SYT16: variants seen among roughly 807,000 people sequenced by gnomAD.
The protein encoded by SYT16 is synaptotagmin-16.
In SYT16, 42 loss-of-function variants were observed where a neutral mutation model predicts 61.4. That is an observed-to-expected ratio of 0.68 (90% CI 0.53 to 0.89). The LOEUF (loss-of-function observed/expected upper bound fraction) is 0.89. Ranked by LOEUF, SYT16 falls within the 40% of genes least tolerant of loss-of-function variation. SYT16 has a pLI of 0.00. For missense variants in SYT16, 804 were observed against 807.3 expected (o/e 1.00, Z 0.05); for synonymous variants, 314 against 302.3 (o/e 1.04, Z -0.40).
intron 1 of SYT16, among the ~76,000 whole-genome samples, chr14:61,834,261 G>A (rs1470890533): frequency 6.6e-6 from 1 of 151,696 alleles, no homozygotes; most frequent in East Asian, 1.9e-4. Context: ...CTCCTGAGTA[G>A]CTGGGATTAC....
chr14:61,848,732 C>A (rs2046520267), intron 1 of SYT16, among the ~76,000 whole-genome samples: 1 of 152,200 alleles, frequency 6.6e-6, no homozygotes, highest in Non-Finnish European at 1.5e-5. Flanking sequence ...AGTCAGAAAT[C>A]TACCTGGTAC....
At chr14:61,996,566 C>T in intron 3 of SYT16, 24 bp downstream of exon 3, 1 of 1,558,132 alleles carries the variant, frequency 6.4e-7, no homozygotes, top group South Asian at 1.2e-5. Context: ...TCATCATTTT[C>T]TCTGCGTTCC....
At chr14:61,917,225 T>A (rs2049154383) in intron 1 of SYT16, among the ~76,000 whole-genome samples, 1 of 152,184 alleles carries the variant, frequency 6.6e-6, no homozygotes, top group Non-Finnish European at 1.5e-5. Flanking sequence ...GAGAGTCCCA[T>A]CCTTGCATGG....
chr14:61,888,807 A>T (rs1034750027), intron 1 of SYT16, among the ~76,000 whole-genome samples: 2 of 151,814 alleles, frequency 1.3e-5, no homozygotes, highest in African/African-American at 4.8e-5. Context: ...GTGAAGTGCA[A>T]TGAATGAAAG....
At chr14:62,084,502 G>A in intron 7 of SYT16, 117 bp downstream of exon 7, 1 of 1,175,422 alleles carries the variant, frequency 8.5e-7, no homozygotes, top group Middle Eastern at 2.9e-4. Flanking sequence ...TATGGCTTAA[G>A]CAAGCTTTCA....
chr14:61,978,412 C>G (rs948517205), intron 2 of SYT16, among the ~76,000 whole-genome samples: 1 of 152,216 alleles, frequency 6.6e-6, no homozygotes, highest in African/African-American at 2.4e-5. Context: ...GCTTGTCAGA[C>G]ACTTATGATA....
intron 1 of SYT16, among the ~76,000 whole-genome samples, chr14:61,908,790 A>G (rs1204880713): frequency 6.6e-6 from 1 of 152,166 alleles, no homozygotes; most frequent in Non-Finnish European, 1.5e-5. Flanking sequence ...TGGCTCAACC[A>G]AAAAGCAGCA....
At chr14:61,812,998 A>T (rs1184904932) in intron 1 of SYT16, among the ~76,000 whole-genome samples, 188 bp downstream of exon 1, 1 of 152,104 alleles carries the variant, frequency 6.6e-6, no homozygotes, top group Non-Finnish European at 1.5e-5. Context: ...GCGCCCCGCG[A>T]GGGATGTGGC....
chr14:61,913,746 G>A lies in SYT16; in HGVS notation c.-324-56386G>A, dbSNP rs189354158. ...TGTGTGTGTGTGTGAAATAAAACTCGAAGTTACAGGGACGAACTTGCATAT... is the reference window on the plus strand; with the variant it reads ...TGTGTGTGTGTGTGAAATAAAACTCAAAGTTACAGGGACGAACTTGCATAT... On this transcript the variant is annotated intron_variant, in intron 1 of 7. Transcript: ENST00000683842. 6.2e-3 allele frequency among the ~76,000 whole-genome samples: 815 copies of A among 131,358 alleles called. 8 individuals carry two copies. Among genetic ancestry groups the A allele is most frequent in the African/African-American group, 0.016 (594 of 37,020 alleles). 86.2% of individuals were successfully genotyped at this position (131,358 alleles called of 152,430 possible). A position where few individuals can be genotyped will look rare whatever the true frequency, so the allele number is the denominator to read the frequency against.
Position 62,081,086 on chromosome 14 carries a change from G to C in SYT16, c.1246G>C (p.Glu416Gln). 20 of 1,613,874 alleles carry C rather than the reference G, an allele frequency of 1.2e-5. No homozygotes were observed. Among genetic ancestry groups the C allele is most frequent in the Non-Finnish European group, 1.6e-5 (19 of 1,179,848 alleles). ...IQRGPNPVFR[E>Q]KVTFAKLEPR... The stretch of plus-strand genomic sequence containing the variant: ...GAGAGGGCCCAACCCCGTCTTCAGG[G>C]AGAAGGTCACCTTTGCCAAGCTGGA... Residue 416 changes from glutamate (E) to glutamine (Q), a missense_variant, in exon 6 of 8, where the codon GAG (glutamate) becomes CAG (glutamine). Coordinates refer to ENST00000683842, the MANE Select transcript of SYT16 (RefSeq NM_001367656.1).
At chr14:61,817,500 C>T (rs2045481177) in intron 1 of SYT16, among the ~76,000 whole-genome samples, 1 of 151,954 alleles carries the variant, frequency 6.6e-6, no homozygotes, top group African/African-American at 2.4e-5. Flanking sequence ...GACACAATGC[C>T]ACTTACTGTG....
At chr14:62,053,904 C>A (rs1369064606) in intron 3 of SYT16, among the ~76,000 whole-genome samples, 3 of 152,070 alleles carry the variant, frequency 2.0e-5, no homozygotes, top group African/African-American at 7.2e-5. Flanking sequence ...TTTTGTGGAA[C>A]CCCATGAAAC....
intron 2 of SYT16, among the ~76,000 whole-genome samples, chr14:61,980,181 A>G (rs761037310): frequency 6.6e-6 from 1 of 152,218 alleles, no homozygotes; most frequent in Non-Finnish European, 1.5e-5. Context: ...CTTGTGAGTA[A>G]TCTAAGTTGC....
intron 1 of SYT16, among the ~76,000 whole-genome samples, chr14:61,913,446 CT>C (rs2049006498): frequency 6.6e-6 from 1 of 152,106 alleles, no homozygotes; most frequent in Non-Finnish European, 1.5e-5. Flanking sequence ...CTTTTTACAT[CT>C]TTAAAGATTG....
intron 1 of SYT16, among the ~76,000 whole-genome samples, chr14:61,941,502 G>T (rs966495837): frequency 6.6e-6 from 1 of 152,146 alleles, no homozygotes. Context: ...AATCCGTAGT[G>T]ACTTTTGTGA....
intron 1 of SYT16, among the ~76,000 whole-genome samples, chr14:61,856,347 AAATGGTGAG>A (rs2046773839): frequency 6.6e-6 from 1 of 152,220 alleles, no homozygotes; most frequent in Admixed American, 6.5e-5. Context: ...GTAGCAGTGG[AAATGGTGAG>A]AATAGTCAGA....
chr14:62,093,445 G>T (rs559077965), intron 7 of SYT16, among the ~76,000 whole-genome samples: 8 of 151,884 alleles, frequency 5.3e-5, no homozygotes, highest in African/African-American at 1.9e-4. Context: ...TTAGATTAAG[G>T]TCTCTCTCTT....
At chr14:61,983,412 G>A (rs952177794) in intron 2 of SYT16, among the ~76,000 whole-genome samples, 5 of 152,186 alleles carry the variant, frequency 3.3e-5, no homozygotes, top group Admixed American at 1.3e-4. Flanking sequence ...TTTGAAGTGT[G>A]TGAATTTAGA....
At chr14:62,010,644 G>A (rs1320528998) in intron 3 of SYT16, among the ~76,000 whole-genome samples, 1 of 152,060 alleles carries the variant, frequency 6.6e-6, no homozygotes, top group Non-Finnish European at 1.5e-5. Context: ...AGGATGTCAG[G>A]TATAGGATCA....
Sources: gnomAD v4.1 joint callset for allele counts (sites outside exome capture counted in the v4.1 genomes callset) on GRCh38, gnomAD v4.1.1 for gene constraint, MANE v1.5 for transcripts, NCBI Gene and HGNC (gene_info 2026-07-23, HGNC 2026-07-21) for gene names.